The following GPHN variants were observed in gnomAD, a reference collection of about 807,000 sequenced individuals.
The protein encoded by GPHN is gephyrin.
GPHN carries 17 observed loss-of-function variants against 95.5 expected under a neutral mutation model. The observed-to-expected ratio is 0.18, with a 90% confidence interval of 0.12 to 0.27. GPHN has a LOEUF of 0.27. GPHN is among the 10% of genes least tolerant of loss of function. The pLI is 1.00. For missense variants in GPHN, 660 were observed against 978.1 expected (o/e 0.67, Z 4.34); for synonymous variants, 320 against 322.5 (o/e 0.99, Z 0.08).
the GPHN span, among the ~76,000 whole-genome samples, chr14:67,237,390 T>C: frequency 1.3e-5 from 2 of 152,156 alleles, no homozygotes; most frequent in East Asian, 3.8e-4. Flanking sequence ...GGCTACATAA[T>C]TTGATATATA....
the GPHN span, among the ~76,000 whole-genome samples, chr14:67,247,830 CA>C: frequency 5.3e-5 from 8 of 152,154 alleles, no homozygotes; most frequent in African/African-American, 1.9e-4. Flanking sequence ...CTGCCCACCT[CA>C]GCCTCCCAAA....
At chr14:67,090,149 T>C (rs1449083483) in intron 12 of GPHN, among the ~76,000 whole-genome samples, 3 of 152,070 alleles carry the variant, frequency 2.0e-5, no homozygotes, top group African/African-American at 4.8e-5. Context: ...GTTTAAAAAG[T>C]TTTTCAGTTT....
intron 9 of GPHN, among the ~76,000 whole-genome samples, chr14:67,012,701 T>G (rs1415167141): frequency 6.6e-6 from 1 of 152,200 alleles, no homozygotes; most frequent in Non-Finnish European, 1.5e-5. Flanking sequence ...ATGCATTAGC[T>G]TATTTTAGTC....
At chr14:67,465,042 G>C in the GPHN span, among the ~76,000 whole-genome samples, 1 of 152,232 alleles carries the variant, frequency 6.6e-6, no homozygotes, top group Non-Finnish European at 1.5e-5. Flanking sequence ...CTGTGCCACA[G>C]GCCTAGCGCA....
At chr14:67,266,538 C>T in the GPHN span, among the ~76,000 whole-genome samples, 3 of 152,160 alleles carry the variant, frequency 2.0e-5, no homozygotes, top group African/African-American at 7.2e-5. Context: ...GTTGGCCAGG[C>T]TGGTCTCAAA....
the GPHN span, among the ~76,000 whole-genome samples, chr14:67,410,339 G>A: frequency 3.9e-4 from 59 of 152,058 alleles, no homozygotes; most frequent in Non-Finnish European, 8.5e-4. Flanking sequence ...CTCTACCAGG[G>A]CCCAGCTATA....
chr14:67,515,802 G>C, the GPHN span, among the ~76,000 whole-genome samples: 1 of 150,502 alleles, frequency 6.6e-6, no homozygotes, highest in Non-Finnish European at 1.5e-5. Context: ...AGACCACGTG[G>C]TGTGGCAGAC....
chr14:66,767,739 G>A (rs17247792), intron 2 of GPHN, among the ~76,000 whole-genome samples: 48,399 of 151,744 alleles, frequency 0.32, 12,116 homozygotes, highest in African/African-American at 0.67. Flanking sequence ...TCAAGTATCA[G>A]TCATGTCCAA....
the GPHN span, among the ~76,000 whole-genome samples, chr14:67,699,278 T>G: frequency 6.8e-6 from 1 of 148,032 alleles, no homozygotes. Flanking sequence ...GATAAAAGGC[T>G]GGATGTGGTG....
the GPHN span, among the ~76,000 whole-genome samples, chr14:67,464,768 T>C: frequency 6.6e-6 from 1 of 152,234 alleles, no homozygotes; most frequent in African/African-American, 2.4e-5. Flanking sequence ...TATCACGATC[T>C]GTTATTTTCG....
the GPHN span, among the ~76,000 whole-genome samples, chr14:67,598,992 G>A: frequency 6.6e-6 from 1 of 152,186 alleles, no homozygotes; most frequent in African/African-American, 2.4e-5. Flanking sequence ...TTACAGGCGT[G>A]AGGTACAGTG....
intron 19 of GPHN, among the ~76,000 whole-genome samples, chr14:67,161,819 T>C (rs1389749390): frequency 6.6e-6 from 1 of 152,210 alleles, no homozygotes; most frequent in African/African-American, 2.4e-5. Flanking sequence ...TGCCCTTACC[T>C]CTAGAGAAGA....
chr14:66,945,078 C>T (rs779448017), intron 8 of GPHN, among the ~76,000 whole-genome samples: 5 of 152,110 alleles, frequency 3.3e-5, no homozygotes, highest in African/African-American at 4.8e-5. Flanking sequence ...CCATGTTGGG[C>T]GCCAAAAATG....
intron 10 of GPHN, among the ~76,000 whole-genome samples, chr14:67,055,934 T>A (rs1385493946): frequency 6.6e-6 from 1 of 152,052 alleles, no homozygotes; most frequent in Non-Finnish European, 1.5e-5. Context: ...CGGCTGGAGT[T>A]GTTCATTCCT....
At chr14:67,529,588 C>T in the GPHN span, among the ~76,000 whole-genome samples, 1 of 152,140 alleles carries the variant, frequency 6.6e-6, no homozygotes, top group Non-Finnish European at 1.5e-5. Context: ...GAGGATTTAG[C>T]CACTGGGCCA....
At chr14:67,120,955 T>G (rs2078981675) in intron 16 of GPHN, among the ~76,000 whole-genome samples, 1 of 152,180 alleles carries the variant, frequency 6.6e-6, no homozygotes, top group Admixed American at 6.6e-5. Flanking sequence ...AAGCTACTAC[T>G]TTTCCAATAT....
At chr14:66,521,295 C>T (rs571374871) in intron 1 of GPHN, among the ~76,000 whole-genome samples, 323 of 151,886 alleles carry the variant, frequency 2.1e-3, no homozygotes, top group Non-Finnish European at 3.7e-3. Flanking sequence ...ATATAAACTT[C>T]CAGGATGCTC....
At chr14:67,482,459 T>C in the GPHN span, among the ~76,000 whole-genome samples, 1 of 152,186 alleles carries the variant, frequency 6.6e-6, no homozygotes, top group African/African-American at 2.4e-5. Flanking sequence ...TCCCCTCCCA[T>C]GCAACCGGGC....
chr14:66,893,612 C>A (rs1368434672), intron 5 of GPHN, among the ~76,000 whole-genome samples: 3 of 152,264 alleles, frequency 2.0e-5, no homozygotes, highest in African/African-American at 7.2e-5. Context: ...GTTTAGAAAA[C>A]CCCATCGTCT....
Sources: allele counts gnomAD v4.1 joint callset (sites outside exome capture counted in the v4.1 genomes callset), GRCh38; gene constraint gnomAD v4.1.1; transcripts MANE v1.5; gene names NCBI Gene and HGNC (gene_info 2026-07-23, HGNC 2026-07-21).